SYNDIG1: variants seen among roughly 807,000 people sequenced by gnomAD.
The protein encoded by SYNDIG1 is synapse differentiation inducing 1.
In SYNDIG1, 9 loss-of-function variants were observed where a neutral mutation model predicts 19.4. The ratio of observed to expected loss-of-function variants is 0.46; its 90% CI spans 0.28 to 0.81. The LOEUF is 0.81. Ranked by LOEUF, SYNDIG1 falls within the 30% of genes least tolerant of loss-of-function variation. SYNDIG1 has a pLI of 0.12. For synonymous variants in SYNDIG1, 141 were observed against 145.9 expected (o/e 0.97, Z 0.24); for missense variants, 311 against 343.3 (o/e 0.91, Z 0.74).
chr20:24,503,849 C>T (rs944486502), intron 1 of SYNDIG1, among the ~76,000 whole-genome samples: 6 of 152,250 alleles, frequency 3.9e-5, no homozygotes, highest in East Asian at 3.9e-4. Context: ...CCCCCAGCGC[C>T]TACTGCAGGG....
At chr20:24,541,025 C>A (rs189670751) in intron 1 of SYNDIG1, among the ~76,000 whole-genome samples, 1 of 152,284 alleles carries the variant, frequency 6.6e-6, no homozygotes, top group East Asian at 1.9e-4. Flanking sequence ...TGTAGAAAAT[C>A]TCTATCTATT....
At chr20:24,648,392 T>C (rs2059440693) in intron 3 of SYNDIG1, among the ~76,000 whole-genome samples, 1 of 152,244 alleles carries the variant, frequency 6.6e-6, no homozygotes, top group Non-Finnish European at 1.5e-5. Context: ...ACCTTCCCAG[T>C]GTGTCCACTC....
Position 24,666,365 on chromosome 20 carries a change from C to T in SYNDIG1, c.*861C>T, listed in dbSNP as rs1204995449. The T allele has an allele frequency of 6.6e-6, 1 of 152,650 alleles. No homozygotes were observed. Among genetic ancestry groups the T allele is most frequent in the Non-Finnish European group, 1.5e-5 (1 of 68,046 alleles). 9.5% of individuals were successfully genotyped at this position (152,650 alleles called of 1,614,324 possible). A position where few individuals can be genotyped will look rare whatever the true frequency, so the allele number is the denominator to read the frequency against. ...AATCACCGCGCTGGCGGATGCTCAC[C>T]CCGTCATAAGCAGAAACTAGTGATC... On this transcript the variant is annotated 3_prime_UTR_variant, in exon 4 of 4. Transcript: ENST00000376862.
intron 1 of SYNDIG1, among the ~76,000 whole-genome samples, chr20:24,500,568 CTCTT>C (rs1718410268): frequency 6.9e-6 from 1 of 143,982 alleles, no homozygotes; most frequent in African/African-American, 2.7e-5. Flanking sequence ...TTCTCTCTCT[CTCTT>C]TCTTCTTTTT....
chr20:24,616,125 ATTAT>A (rs1488999467), intron 3 of SYNDIG1, among the ~76,000 whole-genome samples: 1 of 152,178 alleles, frequency 6.6e-6, no homozygotes, highest in Non-Finnish European at 1.5e-5. Flanking sequence ...AATGTTAGTT[ATTAT>A]TTAGTGTCTT....
chr20:24,532,517 G>T (rs935826317), intron 1 of SYNDIG1, among the ~76,000 whole-genome samples: 2 of 152,200 alleles, frequency 1.3e-5, no homozygotes, highest in Non-Finnish European at 2.9e-5. Flanking sequence ...AGATAGTGAT[G>T]AGGGTTGCAC....
chr20:24,638,428 C>T (rs1324574676), intron 3 of SYNDIG1, among the ~76,000 whole-genome samples: 1 of 152,182 alleles, frequency 6.6e-6, no homozygotes, highest in Non-Finnish European at 1.5e-5. Flanking sequence ...CATCAGGACT[C>T]ACTGCATCCT....
At chr20:24,593,214 G>A (rs6049801) in intron 3 of SYNDIG1, among the ~76,000 whole-genome samples, 20,872 of 151,994 alleles carry the variant, frequency 0.14, 1,632 homozygotes, top group African/African-American at 0.21. Flanking sequence ...TCCTCAAGTC[G>A]GCCCCATTGT....
chr20:24,530,147 A>G (rs575350887), intron 1 of SYNDIG1, among the ~76,000 whole-genome samples: 16 of 140,054 alleles, frequency 1.1e-4, no homozygotes, highest in African/African-American at 4.2e-4. Context: ...TTACAAAGCT[A>G]AAGGGAGTTG....
At chr20:24,477,340 T>G (rs1452781458) in intron 1 of SYNDIG1, among the ~76,000 whole-genome samples, 3 of 152,136 alleles carry the variant, frequency 2.0e-5, no homozygotes, top group South Asian at 2.1e-4. Context: ...GTTTTGTTTT[T>G]TTTTTCTTTT....
intron 3 of SYNDIG1, among the ~76,000 whole-genome samples, chr20:24,608,126 T>A (rs2058787174): frequency 6.6e-6 from 1 of 152,206 alleles, no homozygotes; most frequent in African/African-American, 2.4e-5. Flanking sequence ...CTATCAATGC[T>A]TTCTAGAGTA....
At chr20:24,545,087 C>G (rs1200812592) in intron 2 of SYNDIG1, among the ~76,000 whole-genome samples, 5 of 152,128 alleles carry the variant, frequency 3.3e-5, no homozygotes, top group Admixed American at 3.3e-4. Context: ...CCAAGGAGAC[C>G]AGAGGATCAG....
intron 2 of SYNDIG1, among the ~76,000 whole-genome samples, chr20:24,572,731 G>C (rs546154360): frequency 1.2e-4 from 19 of 152,288 alleles, no homozygotes; most frequent in Middle Eastern, 3.4e-3. Flanking sequence ...CTCAAGAGTG[G>C]AAAAGGCCAG....
In SYNDIG1 at chr20:24,560,583, C is replaced by CAAAA. The variant is rs1193105839; in HGVS notation, c.480+17006_480+17007insAAAA. ...CATGTTTTCCTTTTATTATTAAATA[C>CAAAA]GGTTTTCTTTAGTCTGTGAACATAT... On this transcript the variant is annotated intron_variant, in intron 2 of 3. Coordinates refer to ENST00000376862, the MANE Select transcript of SYNDIG1 (RefSeq NM_024893.3). Among the ~76,000 whole-genome samples, 8 of 151,260 alleles carry CAAAA rather than the reference C, an allele frequency of 5.3e-5. No individual in the cohort carries two copies. The East Asian group carries it at 1.5e-3, about 29-fold the overall frequency.
At chr20:24,528,805 CTA>C (rs1268273860) in intron 1 of SYNDIG1, among the ~76,000 whole-genome samples, 2 of 152,190 alleles carry the variant, frequency 1.3e-5, no homozygotes, top group Non-Finnish European at 2.9e-5. Context: ...TTTTCTGAGA[CTA>C]TCCATGGGCA....
rs115417062 is a variant in SYNDIG1, at chr20:24,521,511, G to A, written c.-78-21509G>A. Among the ~76,000 whole-genome samples, 1,487 of 152,188 alleles carry A rather than the reference G, an allele frequency of 9.8e-3. 27 individuals carry two copies. Among genetic ancestry groups the A allele is most frequent in the African/African-American group, 0.033 (1,379 of 41,532 alleles). On this transcript the variant is annotated intron_variant, in intron 1 of 3. Transcript: ENST00000376862. ...TCCATTTGACATTTTCACTGGCAAC[G>A]CACAGGGTTCCAGTTTCTCTACAAT...
intron 2 of SYNDIG1, among the ~76,000 whole-genome samples, chr20:24,559,690 T>A (rs1302714462): frequency 6.6e-6 from 1 of 152,204 alleles, no homozygotes; most frequent in Non-Finnish European, 1.5e-5. Context: ...CAGCCTTTAT[T>A]TACCTGGGAA....
chr20:24,593,026 C>T (rs1037837008), intron 3 of SYNDIG1, among the ~76,000 whole-genome samples: 15 of 152,184 alleles, frequency 9.9e-5, no homozygotes, highest in Non-Finnish European at 1.9e-4. Context: ...TTCAGCTCAA[C>T]GTCCACACTC....
chr20:24,622,975 C>A (rs2059061988), intron 3 of SYNDIG1, among the ~76,000 whole-genome samples: 1 of 152,084 alleles, frequency 6.6e-6, no homozygotes. Context: ...TTGAATACAT[C>A]TGAAAAGAAT....
Sources: gnomAD v4.1 joint callset for allele counts (sites outside exome capture counted in the v4.1 genomes callset) on GRCh38, gnomAD v4.1.1 for gene constraint, MANE v1.5 for transcripts, NCBI Gene and HGNC (gene_info 2026-07-23, HGNC 2026-07-21) for gene names.